The following RPS6KA5 variants were observed in gnomAD, a reference collection of about 807,000 sequenced individuals.
The protein encoded by RPS6KA5 is ribosomal protein S6 kinase alpha-5.
In RPS6KA5, 27 loss-of-function variants were observed where a neutral mutation model predicts 85.5. The observed-to-expected ratio is 0.32, with a 90% CI of 0.23 to 0.44. The LOEUF is 0.44. Among genes scored for constraint, RPS6KA5 ranks in the 20% least tolerant of loss-of-function variants. RPS6KA5 has a pLI of 1.00. For missense variants in RPS6KA5, 811 were observed against 980.9 expected, an observed-to-expected ratio of 0.83 and a Z score of 2.31; for synonymous variants, 334 against 348.2, an observed-to-expected ratio of 0.96 and a Z score of 0.46.
chr14:90,945,035 T>A (rs1456166602), intron 4 of RPS6KA5, among the ~76,000 whole-genome samples: 1 of 152,064 alleles, frequency 6.6e-6, no homozygotes, highest in Non-Finnish European at 1.5e-5. Context: ...GAGGATCATC[T>A]GAGCTCAGGA....
intron 14 of RPS6KA5, among the ~76,000 whole-genome samples, chr14:90,887,504 C>T (rs755179878): frequency 3.3e-5 from 5 of 151,986 alleles, no homozygotes; most frequent in Non-Finnish European, 5.9e-5. Context: ...ACCTTTAAAA[C>T]CACAACCACA....
At position 90,867,532 on chromosome 14, in the gene RPS6KA5, T is replaced by G. The variant is rs374209401; in HGVS notation, c.*4542A>C. ...ATACTTTCTGATAACCCAAGCAGCA[T>G]TATATTAATAGTTAGAATACTACTA... On this transcript the variant is annotated 3_prime_UTR_variant, in exon 17 of 17. Coordinates refer to ENST00000614987, the MANE Select transcript of RPS6KA5 (RefSeq NM_004755.4). 62 of 152,302 alleles carry G rather than the reference T, an allele frequency of 4.1e-4. No homozygotes were observed. The highest frequency in any genetic ancestry group is 1.4e-3 in the African/African-American group (58 of 41,570). 9.4% of individuals were successfully genotyped at this position (152,302 alleles called of 1,614,324 possible). A position where few individuals can be genotyped will look rare whatever the true frequency, so the allele number is the denominator to read the frequency against.
At chr14:91,025,136 C>CA (rs1443446329) in intron 1 of RPS6KA5, among the ~76,000 whole-genome samples, 13 of 152,150 alleles carry the variant, frequency 8.5e-5, no homozygotes, top group African/African-American at 3.1e-4. Flanking sequence ...CCTCAGCCCC[C>CA]AGGGTTCAAG....
At chr14:90,941,707 T>C (rs1421540321) in intron 5 of RPS6KA5, among the ~76,000 whole-genome samples, 1 of 152,210 alleles carries the variant, frequency 6.6e-6, no homozygotes, top group Non-Finnish European at 1.5e-5. Context: ...CTCCAGTTAT[T>C]GAACCTTTTT....
Position 90,859,965 on chromosome 14 carries a change from G to A in RPS6KA5, c.*12109C>T, listed in dbSNP as rs1055907696. The A allele has an allele frequency of 1.4e-5, 2 of 138,034 alleles. No individual in the cohort carries two copies. The highest frequency in any genetic ancestry group is 3.1e-5 in the Non-Finnish European group (2 of 63,674). 8.6% of individuals were successfully genotyped at this position (138,034 alleles called of 1,614,324 possible). ...ATCACACGCTGGGGCCTGTCGGGGG[G>A]TTGGGGGCTAGGGGAGGGATAACAT... On this transcript the variant is annotated 3_prime_UTR_variant, in exon 17 of 17. Coordinates refer to ENST00000614987, the MANE Select transcript of RPS6KA5 (RefSeq NM_004755.4).
intron 14 of RPS6KA5, among the ~76,000 whole-genome samples, chr14:90,881,150 G>T (rs1595113301): frequency 6.6e-6 from 1 of 151,236 alleles, no homozygotes; most frequent in East Asian, 2.0e-4. Flanking sequence ...AAACTTTTTT[G>T]ATTTAAAGTC....
intron 7 of RPS6KA5, among the ~76,000 whole-genome samples, chr14:90,908,310 G>A (rs769796619): frequency 6.6e-6 from 1 of 152,200 alleles, no homozygotes; most frequent in Non-Finnish European, 1.5e-5. Flanking sequence ...GAGAAATTGA[G>A]TACAAATCTG....
intron 6 of RPS6KA5, among the ~76,000 whole-genome samples, chr14:90,922,602 C>G (rs543851079): frequency 1.3e-5 from 2 of 152,216 alleles, no homozygotes; most frequent in African/African-American, 2.4e-5. Flanking sequence ...CGCTCGCCAC[C>G]ACGCCCAGCT....
chr14:91,013,401 T>C (rs1337863027), intron 1 of RPS6KA5, among the ~76,000 whole-genome samples: 1 of 151,644 alleles, frequency 6.6e-6, no homozygotes, highest in Non-Finnish European at 1.5e-5. Flanking sequence ...CAGAAGAGCA[T>C]AAGAGAGCAT....
At chr14:90,942,296 C>G (rs552086002) in intron 5 of RPS6KA5, among the ~76,000 whole-genome samples, 1 of 152,214 alleles carries the variant, frequency 6.6e-6, no homozygotes, top group East Asian at 1.9e-4. Context: ...TTTATAACAA[C>G]AAAGTCCTTC....
At chr14:90,949,614 T>C (rs1490068731) in intron 3 of RPS6KA5, among the ~76,000 whole-genome samples, 1 of 152,194 alleles carries the variant, frequency 6.6e-6, no homozygotes, top group African/African-American at 2.4e-5. Context: ...TTAAAAAATC[T>C]AATGTACTCC....
chr14:91,012,328 T>C (rs2041294871), intron 1 of RPS6KA5, among the ~76,000 whole-genome samples: 1 of 152,252 alleles, frequency 6.6e-6, no homozygotes, highest in African/African-American at 2.4e-5. Flanking sequence ...CATGACACTG[T>C]ATTGCACATA....
chr14:91,024,175 T>C (rs1229982345), intron 1 of RPS6KA5, among the ~76,000 whole-genome samples: 1 of 152,220 alleles, frequency 6.6e-6, no homozygotes. Context: ...CTTGTAAATA[T>C]ATTCATCATT....
At chr14:90,959,605 G>T (rs987857084) in intron 3 of RPS6KA5, among the ~76,000 whole-genome samples, 3 of 152,178 alleles carry the variant, frequency 2.0e-5, no homozygotes, top group Non-Finnish European at 2.9e-5. Flanking sequence ...TTTTGGATAT[G>T]AAGAATGAAG....
chr14:91,016,907 A>G (rs2041523262), intron 1 of RPS6KA5, among the ~76,000 whole-genome samples: 1 of 151,064 alleles, frequency 6.6e-6, no homozygotes, highest in Non-Finnish European at 1.5e-5. Context: ...GTATTCTCCT[A>G]TGTCAATGCC....
intron 3 of RPS6KA5, among the ~76,000 whole-genome samples, chr14:90,977,811 T>C (rs2039630871): frequency 6.6e-6 from 1 of 152,140 alleles, no homozygotes; most frequent in African/African-American, 2.4e-5. Flanking sequence ...TCCCAGCACT[T>C]TGGGAGGCCA....
rs1423260516 is a variant in RPS6KA5 at position 90,862,488 on chromosome 14, G to C, written c.*9586C>G. 2 of 150,018 alleles carry C rather than the reference G, an allele frequency of 1.3e-5. No individual in the cohort carries two copies. Among genetic ancestry groups the C allele is most frequent in the African/African-American group, 4.9e-5 (2 of 40,526 alleles). The allele number at this position is 150,018 out of a possible 1,614,324, so 9.3% of individuals were successfully genotyped here. ...TTCTTCTTCTTCTTCTTTTTTTAAT[G>C]CTAGGCTCCTGCTCTGTTGCCCAGG... On this transcript the variant is annotated 3_prime_UTR_variant, in exon 17 of 17. Coordinates refer to ENST00000614987, the MANE Select transcript of RPS6KA5 (RefSeq NM_004755.4).
In RPS6KA5 at chr14:90,902,969, T is replaced by C. The variant is rs754944278; in HGVS notation, c.958A>G (p.Lys320Glu). The C allele has an allele frequency of 9.9e-6, 16 of 1,609,044 alleles. No individual in the cohort carries two copies. The African/African-American group carries it at 1.2e-4, about 12-fold the overall frequency. Residue 320 changes from lysine (K) to glutamate (E), a missense_variant and splice_region_variant, in exon 9 of 17, where the codon AAA becomes GAA. This residue lies in a region of RPS6KA5 where 650 missense variants were observed against 793.4 expected (regional missense o/e 0.82). Transcript: ENST00000614987. ...GCGGCTAAATCATCCCAATTTATTTTCTAAAACAAAGAAAGTTGGTACAAA... is the reference window on the plus strand; with the variant it reads ...GCGGCTAAATCATCCCAATTTATTTCCTAAAACAAAGAAAGTTGGTACAAA... Reference protein sequence around the residue: ...DEIKEHLFFQKINWDDLAAKK... With the variant: ...DEIKEHLFFQEINWDDLAAKK...
intron 5 of RPS6KA5, among the ~76,000 whole-genome samples, chr14:90,930,374 A>C (rs942468626): frequency 1.3e-5 from 2 of 152,184 alleles, no homozygotes; most frequent in African/African-American, 4.8e-5. Context: ...TTTGTATTAA[A>C]AATATAAAAT....
Sources: allele counts gnomAD v4.1 joint callset (sites outside exome capture counted in the v4.1 genomes callset), GRCh38; gene constraint gnomAD v4.1.1; regional missense constraint gnomAD v4.1.1; transcripts MANE v1.5; gene names NCBI Gene and HGNC (gene_info 2026-07-23, HGNC 2026-07-21).